The following ISOC1 variants were observed in gnomAD, a reference collection of about 807,000 sequenced individuals.
ISOC1 encodes the protein isochorismatase domain-containing protein 1.
ISOC1 carries 33 observed loss-of-function variants against 30.0 expected under a neutral mutation model. The ratio of observed to expected loss-of-function variants is 1.10; its 90% confidence interval spans 0.83 to 1.47. The LOEUF (loss-of-function observed/expected upper bound fraction) is 1.47. Ranked by LOEUF, ISOC1 falls within the 40% of genes most tolerant of loss-of-function variation. The pLI is 0.00. For synonymous variants in ISOC1, 178 were observed against 159.8 expected, an observed-to-expected ratio of 1.11 and a Z score of -0.86; for missense variants, 372 against 388.0, an observed-to-expected ratio of 0.96 and a Z score of 0.35.
At chr5:129,104,843 A>G (rs1208354179) in intron 1 of ISOC1, 113 bp from the exon 2 acceptor site, 5 of 1,030,884 alleles carry the variant, frequency 4.9e-6, no homozygotes, top group Non-Finnish European at 5.5e-6. Flanking sequence ...AGCGGTAGAA[A>G]TTGACTTACT....
chr5:129,112,105 A>G (rs1034429519), intron 4 of ISOC1, among the ~76,000 whole-genome samples: 2 of 152,200 alleles, frequency 1.3e-5, no homozygotes, highest in African/African-American at 4.8e-5. Flanking sequence ...TTTAATTCTT[A>G]TAGTAGTTTT....
intron 4 of ISOC1, among the ~76,000 whole-genome samples, chr5:129,108,058 A>G (rs1753659866): frequency 6.6e-6 from 1 of 152,184 alleles, no homozygotes; most frequent in Non-Finnish European, 1.5e-5. Context: ...TGTGAATTTA[A>G]TTGCTGAGTT....
chr5:129,101,473 C>A (rs757850291), intron 1 of ISOC1, among the ~76,000 whole-genome samples: 2 of 151,864 alleles, frequency 1.3e-5, no homozygotes, highest in South Asian at 4.1e-4. Context: ...CCAGCCTGGG[C>A]GACAGAGTGA....
intron 4 of ISOC1, among the ~76,000 whole-genome samples, chr5:129,110,715 G>A (rs1018809202): frequency 1.3e-5 from 2 of 152,202 alleles, no homozygotes; most frequent in Admixed American, 6.5e-5. Flanking sequence ...ACTAGGGAGT[G>A]CTGGGCATTG....
chr5:129,106,117 T>C (rs143282178), intron 3 of ISOC1, among the ~76,000 whole-genome samples: 9 of 152,304 alleles, frequency 5.9e-5, no homozygotes, highest in East Asian at 5.8e-4. Flanking sequence ...TGTATAAATA[T>C]GTCGTACCAA....
intron 1 of ISOC1, 32 bp from the exon 2 acceptor site, chr5:129,104,924 G>A (rs1753616513): frequency 1.9e-6 from 3 of 1,606,658 alleles, no homozygotes; most frequent in African/African-American, 2.7e-5. Context: ...TGTACAACAA[G>A]TGCTAAATCA....
At chr5:129,108,527 G>A (rs1159244852) in intron 4 of ISOC1, among the ~76,000 whole-genome samples, 1 of 145,290 alleles carries the variant, frequency 6.9e-6, no homozygotes, top group Non-Finnish European at 1.5e-5. Context: ...TTTTTTTTGA[G>A]AGATGGAGTC....
At chr5:129,108,489 A>G (rs933448200) in intron 4 of ISOC1, among the ~76,000 whole-genome samples, 2 of 151,968 alleles carry the variant, frequency 1.3e-5, no homozygotes, top group African/African-American at 4.8e-5. Context: ...TCCAATCTCA[A>G]CAAAGACCTT....
chr5:129,104,434 A>G lies in ISOC1; in HGVS notation c.310-522A>G, dbSNP rs140513079. ...TCTGATTATAAAGAAATTTCTTTAA[A>G]TAACATTCAGGAAATGTGTTTAAAT... On this transcript the variant is annotated intron_variant, in intron 1 of 4. Coordinates refer to ENST00000173527, the MANE Select transcript of ISOC1 (RefSeq NM_016048.2). 4.2e-4 allele frequency among the ~76,000 whole-genome samples: 64 copies of G among 152,248 alleles called. 2 individuals are homozygous for G. In the East Asian group the frequency reaches 0.01, roughly 24 times the overall value.
intron 4 of ISOC1, among the ~76,000 whole-genome samples, chr5:129,107,740 G>A (rs1229493487): frequency 1.3e-5 from 2 of 152,120 alleles, no homozygotes; most frequent in Non-Finnish European, 2.9e-5. Flanking sequence ...AACCAGAGAT[G>A]ACTATTAGAT....
rs1017088524 is a variant in ISOC1 at position 129,113,187 on chromosome 5, G to A, written c.*186G>A. On this transcript the variant is annotated 3_prime_UTR_variant, in exon 5 of 5. Coordinates refer to ENST00000173527, the MANE Select transcript of ISOC1 (RefSeq NM_016048.2). ...TGAGTACCAGCATTTAGTTACAAAC[G>A]TCAAAGGCTTCCGGTGCTGCTTACC... 2.3e-5 allele frequency: 11 copies of A among 477,682 alleles called. No individual in the cohort carries two copies. The highest frequency in any genetic ancestry group is 5.4e-4 in the Middle Eastern group (1 of 1,860). 29.6% of individuals were successfully genotyped at this position (477,682 alleles called of 1,614,324 possible).
intron 1 of ISOC1, among the ~76,000 whole-genome samples, chr5:129,104,276 TAGC>T (rs1338495293): frequency 2.6e-5 from 4 of 152,310 alleles, no homozygotes; most frequent in South Asian, 2.1e-4. Flanking sequence ...GTCTTGATGA[TAGC>T]AGTAATTCTG....
At chr5:129,096,353 T>C (rs1371433541) in intron 1 of ISOC1, among the ~76,000 whole-genome samples, 1 of 152,218 alleles carries the variant, frequency 6.6e-6, no homozygotes, top group East Asian at 1.9e-4. Flanking sequence ...GATTATTCCC[T>C]AGTTTTTTTC....
At chr5:129,097,731 G>A (rs1028761563) in intron 1 of ISOC1, 9 of 151,420 alleles carry the variant, frequency 5.9e-5, no homozygotes, top group African/African-American at 1.9e-4. Flanking sequence ...CCACAAATGC[G>A]TGTGGAGGAG....
chr5:129,096,991 G>A (rs1041568624), intron 1 of ISOC1, among the ~76,000 whole-genome samples: 5 of 152,070 alleles, frequency 3.3e-5, no homozygotes, highest in African/African-American at 9.7e-5. Context: ...TTCTCAAAAG[G>A]CGTTATATAA....
At chr5:129,109,129 G>T (rs1335988867) in intron 4 of ISOC1, among the ~76,000 whole-genome samples, 1 of 150,768 alleles carries the variant, frequency 6.6e-6, no homozygotes, top group Non-Finnish European at 1.5e-5. Flanking sequence ...TTCTGTCTTT[G>T]CACAAGACTC....
intron 1 of ISOC1, among the ~76,000 whole-genome samples, chr5:129,101,946 T>C (rs6888909): frequency 0.73 from 110,593 of 152,080 alleles, 41,576 homozygotes; most frequent in African/African-American, 0.92. Flanking sequence ...CATTGTTGGA[T>C]CGGGGTTGTG....
chr5:129,105,796 C>T (rs1753630694), intron 3 of ISOC1, among the ~76,000 whole-genome samples: 1 of 152,082 alleles, frequency 6.6e-6, no homozygotes, highest in Non-Finnish European at 1.5e-5. Flanking sequence ...CTAGAAGAAC[C>T]TTGGAGGTCA....
At chr5:129,105,463 A>C (rs767647592) in intron 3 of ISOC1, 75 bp downstream of exon 3, 9 of 1,255,606 alleles carry the variant, frequency 7.2e-6, no homozygotes, top group Middle Eastern at 2.0e-4. Flanking sequence ...GTAATTTCAT[A>C]TATGGTATGC....
Sources: allele counts gnomAD v4.1 joint callset (sites outside exome capture counted in the v4.1 genomes callset), GRCh38; gene constraint gnomAD v4.1.1; transcripts MANE v1.5; gene names NCBI Gene and HGNC (gene_info 2026-07-23, HGNC 2026-07-21).